Variants in NAV2 observed in about 807,000 individuals in gnomAD.
NAV2 encodes neuron navigator 2.
Under a neutral mutation model 223.2 loss-of-function variants are expected in NAV2, and 54 were observed. The ratio of observed to expected loss-of-function variants is 0.24; its 90% CI spans 0.19 to 0.30. The LOEUF is 0.30. NAV2 is among the 10% of genes least tolerant of loss of function. The probability of loss-of-function intolerance (pLI) is 1.00; values close to 1 mark genes in which losing one functional copy is unlikely to be tolerated. For missense variants in NAV2, 2,806 were observed against 3,147.5 expected (o/e 0.89, Z 2.60); for synonymous variants, 1,279 against 1,239.3 (o/e 1.03, Z -0.67).
intron 1 of NAV2, among the ~76,000 whole-genome samples, chr11:19,560,306 T>G (rs1354323971): frequency 1.3e-5 from 2 of 152,220 alleles, no homozygotes; most frequent in Non-Finnish European, 2.9e-5. Flanking sequence ...TTGAGACATC[T>G]GCTTCCTGCC....
chr11:19,388,901 C>T (rs1008291421), intron 1 of NAV2, among the ~76,000 whole-genome samples: 1 of 152,184 alleles, frequency 6.6e-6, no homozygotes, highest in Non-Finnish European at 1.5e-5. Flanking sequence ...GGTTAAGTAC[C>T]TATCCCAGGC....
At chr11:19,763,265 C>A (rs1012689381) in intron 1 of NAV2, among the ~76,000 whole-genome samples, 1 of 152,176 alleles carries the variant, frequency 6.6e-6, no homozygotes, top group African/African-American at 2.4e-5. Flanking sequence ...ATTTTCTGTT[C>A]CATTTCTCTA....
chr11:19,488,272 A>G (rs1203614963), intron 1 of NAV2, among the ~76,000 whole-genome samples: 1 of 152,236 alleles, frequency 6.6e-6, no homozygotes, highest in Non-Finnish European at 1.5e-5. Flanking sequence ...CAAAATGAAA[A>G]GAAGCTACTC....
chr11:19,563,231 C>T (rs75619700), intron 1 of NAV2, among the ~76,000 whole-genome samples: 9,675 of 152,260 alleles, frequency 0.064, 474 homozygotes, highest in East Asian at 0.17. Context: ...ATTTCCCACG[C>T]CTGCCCAATA....
At chr11:19,346,279 C>T (rs998910135), upstream of NAV2, among the ~76,000 whole-genome samples, 2 of 152,162 alleles carry the variant, frequency 1.3e-5, no homozygotes, top group African/African-American at 4.8e-5. Context: ...GTGCTTGTGT[C>T]GGTCTGTGCC....
intron 1 of NAV2, among the ~76,000 whole-genome samples, chr11:19,584,711 A>G (rs192037020): frequency 1.3e-5 from 2 of 152,250 alleles, no homozygotes; most frequent in East Asian, 1.9e-4. Context: ...CTTAATCTTG[A>G]GTTCTAGTTT....
chr11:19,512,515 G>T (rs1053348292), intron 1 of NAV2, among the ~76,000 whole-genome samples: 2 of 152,072 alleles, frequency 1.3e-5, no homozygotes, highest in South Asian at 4.1e-4. Flanking sequence ...AAAAGGAAGG[G>T]TCCCATCCCC....
At chr11:19,826,117 G>C (rs1180055521) in intron 1 of NAV2, among the ~76,000 whole-genome samples, 7 of 152,178 alleles carry the variant, frequency 4.6e-5, no homozygotes, top group African/African-American at 1.4e-4. Context: ...AGACTTTCTC[G>C]TGAAATGACT....
In NAV2 at chr11:19,760,924, G is replaced by GGGATCCTATTGCCTTTGCTTTT. The variant is rs574070753; in HGVS notation, c.267+46962_267+46963insGGATCCTATTGCCTTTGCTTTT. Among the ~76,000 whole-genome samples the GGGATCCTATTGCCTTTGCTTTT allele has an allele frequency of 4.4e-3, 677 of 152,278 alleles. 4 individuals are homozygous for GGGATCCTATTGCCTTTGCTTTT. Among genetic ancestry groups the GGGATCCTATTGCCTTTGCTTTT allele is most frequent in the African/African-American group, 0.016 (645 of 41,544 alleles). On this transcript the variant is annotated intron_variant, in intron 1 of 37. Transcript: ENST00000349880. Reference sequence around the variant, plus strand: ...CCTGGGATCCTATTGCCTTTGCTTTGTGCCCCAAGGTATAGAGTTTGGAAA... The same window carrying GGGATCCTATTGCCTTTGCTTTT: ...CCTGGGATCCTATTGCCTTTGCTTTGGGATCCTATTGCCTTTGCTTTTTGCCCCAAGGTATAGAGTTTGGAAA...
chr11:19,723,746 C>G (rs1288386023), intron 1 of NAV2, among the ~76,000 whole-genome samples: 1 of 152,238 alleles, frequency 6.6e-6, no homozygotes, highest in African/African-American at 2.4e-5. Flanking sequence ...CCCCGTGCTG[C>G]CGGCCCAGCA....
chr11:19,832,374 G>GA (rs1205241051), intron 1 of NAV2, 110 bp from the exon 2 acceptor site: 1 of 775,336 alleles, frequency 1.3e-6, no homozygotes, highest in Non-Finnish European at 2.2e-6. Context: ...GGCTGGCCCT[G>GA]AAAGCTCACC....
intron 1 of NAV2, among the ~76,000 whole-genome samples, chr11:19,650,172 T>C (rs2047930271): frequency 6.6e-6 from 1 of 152,190 alleles, no homozygotes; most frequent in Non-Finnish European, 1.5e-5. Context: ...CAAGTTAAGA[T>C]GAGATCATGA....
At chr11:20,020,531 A>C (rs1298279269) in intron 11 of NAV2, among the ~76,000 whole-genome samples, 2 of 152,194 alleles carry the variant, frequency 1.3e-5, no homozygotes. Context: ...ACCATGAGAA[A>C]ACCCTGACTC....
chr11:19,741,805 C>T (rs1462336791), intron 1 of NAV2, among the ~76,000 whole-genome samples: 2 of 150,368 alleles, frequency 1.3e-5, no homozygotes, highest in African/African-American at 2.5e-5. Flanking sequence ...AATAATGCTG[C>T]AACAAATAGG....
chr11:19,484,541 C>T (rs997720972), intron 1 of NAV2, among the ~76,000 whole-genome samples: 2 of 152,250 alleles, frequency 1.3e-5, no homozygotes, highest in African/African-American at 4.8e-5. Flanking sequence ...GAGGTCCATT[C>T]TCCTAGACCT....
chr11:19,777,093 AC>A (rs1166485329), intron 1 of NAV2, among the ~76,000 whole-genome samples: 52,098 of 126,038 alleles, frequency 0.41, 10,176 homozygotes, highest in African/African-American at 0.61. Context: ...CCAGCCGCCG[AC>A]CCCCCCCCCC....
intron 26 of NAV2, among the ~76,000 whole-genome samples, chr11:20,085,987 T>A (rs1301503816): frequency 6.6e-6 from 1 of 152,182 alleles, no homozygotes; most frequent in Non-Finnish European, 1.5e-5. Flanking sequence ...GCAGTCTTCC[T>A]GACCCAAAAA....
chr11:19,854,835 G>A (rs2061333656), intron 3 of NAV2, among the ~76,000 whole-genome samples: 2 of 152,138 alleles, frequency 1.3e-5, no homozygotes, highest in Non-Finnish European at 2.9e-5. Flanking sequence ...TTTTTAAAAT[G>A]TAAAGGTTAG....
In NAV2 at chr11:19,636,661, G is replaced by A. The variant is rs959809625; in HGVS notation, c.76-195823G>A. Among the ~76,000 whole-genome samples, 28 of 152,160 alleles carry A rather than the reference G, an allele frequency of 1.8e-4. 1 individual carries two copies. The highest frequency in any genetic ancestry group is 1.5e-3 in the South Asian group (7 of 4,812). ...GTATTTTTGTATTTTTAGTAGAGAC[G>A]GGGTTTCACCATGTTACCCAGGATG... is the stretch of plus-strand genomic sequence containing the variant. On this transcript the variant is annotated intron_variant, in intron 1 of 37. Coordinates refer to the NAV2 transcript ENST00000360655.
Sources: allele counts gnomAD v4.1 joint callset (sites outside exome capture counted in the v4.1 genomes callset), GRCh38; gene constraint gnomAD v4.1.1; transcripts MANE v1.5; gene names NCBI Gene and HGNC (gene_info 2026-07-23, HGNC 2026-07-21).